The following MCOLN3 variants were observed in gnomAD, a reference collection of about 807,000 sequenced individuals.
MCOLN3 encodes the protein mucolipin-3.
MCOLN3 carries 62 observed loss-of-function variants against 69.4 expected under a neutral mutation model. The observed-to-expected ratio is 0.89, with a 90% confidence interval of 0.73 to 1.10. MCOLN3 has a LOEUF of 1.10. Among genes scored for constraint, MCOLN3 ranks in the 50% least tolerant of loss-of-function variants. The pLI, the probability that MCOLN3 is intolerant of heterozygous loss-of-function variation, is 0.00. For synonymous variants in MCOLN3, 183 were observed against 217.0 expected (o/e 0.84, Z 1.38); for missense variants, 564 against 656.4 (o/e 0.86, Z 1.54).
intron 2 of MCOLN3, among the ~76,000 whole-genome samples, chr1:85,042,084 A>G (rs1653099312): frequency 6.6e-6 from 1 of 152,122 alleles, no homozygotes; most frequent in South Asian, 2.1e-4. Context: ...AGTATATTTT[A>G]TATGGAAGGC....
At chr1:85,045,432 T>C in intron 1 of MCOLN3, 70 bp from the exon 2 acceptor site, 1 of 1,236,358 alleles carries the variant, frequency 8.1e-7, no homozygotes, top group South Asian at 1.5e-5. Context: ...AAGTCCATAT[T>C]CTTTAATATT....
chr1:85,024,113 C>T (rs1053793074), intron 9 of MCOLN3, among the ~76,000 whole-genome samples: 3 of 151,368 alleles, frequency 2.0e-5, no homozygotes, highest in African/African-American at 4.9e-5. Context: ...GAGCTATAAT[C>T]GCGCCACTGC....
At chr1:85,030,228 A>G (rs1237658086) in intron 6 of MCOLN3, among the ~76,000 whole-genome samples, 1 of 152,256 alleles carries the variant, frequency 6.6e-6, no homozygotes, top group Non-Finnish European at 1.5e-5. Context: ...CTTTTCCTAC[A>G]CAAAGGGCCT....
intron 3 of MCOLN3, among the ~76,000 whole-genome samples, chr1:85,037,588 A>G (rs1652858119): frequency 1.3e-5 from 2 of 152,248 alleles, no homozygotes; most frequent in African/African-American, 4.8e-5. Context: ...TAATATATAC[A>G]TTAACTATAT....
At chr1:85,041,209 T>G in intron 2 of MCOLN3, 32 bp from the exon 3 acceptor site, 2 of 1,579,350 alleles carry the variant, frequency 1.3e-6, no homozygotes, top group Non-Finnish European at 1.7e-6. Context: ...GGTAAGAGGG[T>G]GGAAAATGTG....
intron 2 of MCOLN3, among the ~76,000 whole-genome samples, chr1:85,043,357 C>G (rs1176895141): frequency 2.0e-5 from 3 of 152,026 alleles, no homozygotes; most frequent in African/African-American, 7.3e-5. Context: ...TGGTGAAACC[C>G]CATCTCCACT....
chr1:85,047,355 T>C (rs912860772), intron 1 of MCOLN3: 3 of 152,188 alleles, frequency 2.0e-5, no homozygotes, highest in Non-Finnish European at 4.4e-5. Context: ...CTTCCGAGGG[T>C]GCACTTTTAA....
chr1:85,028,686 T>G (rs1462954215), intron 7 of MCOLN3, among the ~76,000 whole-genome samples: 1 of 152,224 alleles, frequency 6.6e-6, no homozygotes, highest in Non-Finnish European at 1.5e-5. Context: ...ACATCCTACC[T>G]GACTTGCCCC....
chr1:85,040,854 A>AT (rs1407796854), intron 3 of MCOLN3, among the ~76,000 whole-genome samples, 156 bp downstream of exon 3: 1 of 152,202 alleles, frequency 6.6e-6, no homozygotes, highest in Non-Finnish European at 1.5e-5. Context: ...TTTGTTGACA[A>AT]TATTTTTAAA....
chr1:85,038,340 G>A (rs1424234296), intron 3 of MCOLN3, among the ~76,000 whole-genome samples: 4 of 152,118 alleles, frequency 2.6e-5, no homozygotes, highest in Admixed American at 6.5e-5. Flanking sequence ...TTAAGAGGCA[G>A]ATGAAAGAAA....
intron 4 of MCOLN3, 123 bp from the exon 5 acceptor site, chr1:85,033,079 A>T (rs546797701): frequency 1.1e-6 from 1 of 918,926 alleles, no homozygotes; most frequent in East Asian, 2.6e-5. Flanking sequence ...ATTTTTCTGA[A>T]TTAAAATTTT....
Position 85,025,970 on chromosome 1 carries a change from C to T in MCOLN3, c.1064G>A (p.Gly355Glu). 6.3e-7 allele frequency: 1 copy of T among 1,598,958 alleles called. No individual in the cohort carries two copies. The highest frequency in any genetic ancestry group is 2.2e-5 in the East Asian group (1 of 44,762). ...IIISDILTII[G>E]SILKMEIQAK... Reference sequence around the variant, plus strand: ...TTGGATTTCCATTTTTAGAATTGATCCAATGATTGTCAATATGTCACTAAT... The same window carrying T: ...TTGGATTTCCATTTTTAGAATTGATTCAATGATTGTCAATATGTCACTAAT... The change falls in exon 9 of 13, where the codon GGA becomes GAA. Residue 355 changes from glycine to glutamate, a missense_variant. Gly to Glu is a moderately conservative substitution (Grantham distance 98). Coordinates refer to ENST00000370589, the MANE Select transcript of MCOLN3 (RefSeq NM_018298.11).
Position 85,034,097 on chromosome 1 carries a change from C to A in MCOLN3, c.550+1G>T. ...GGTTCTAGGTTATAGAAGAACATCA[C>A]CAGTTTCAATTTCTGGATCGATGTC... On this transcript the variant is annotated splice_donor_variant, in intron 4 of 12. Coordinates refer to ENST00000370589, the MANE Select transcript of MCOLN3 (RefSeq NM_018298.11). LOFTEE classifies it high-confidence loss of function. The A allele has an allele frequency of 3.1e-6, 5 of 1,614,090 alleles. No homozygotes were observed. Among genetic ancestry groups the A allele is most frequent in the Non-Finnish European group, 4.2e-6 (5 of 1,179,984 alleles).
chr1:85,040,116 C>A (rs575989553), intron 3 of MCOLN3, among the ~76,000 whole-genome samples: 66 of 152,154 alleles, frequency 4.3e-4, no homozygotes, highest in Non-Finnish European at 7.8e-4. Flanking sequence ...CCTTCTTCCC[C>A]CTACAAGCTG....
chr1:85,042,804 C>T (rs954977044), intron 2 of MCOLN3, among the ~76,000 whole-genome samples: 1 of 152,142 alleles, frequency 6.6e-6, no homozygotes, highest in Non-Finnish European at 1.5e-5. Flanking sequence ...ACAGAAGGAC[C>T]ACCTCATTTT....
At chr1:85,038,732 T>C (rs1418760308) in intron 3 of MCOLN3, among the ~76,000 whole-genome samples, 1 of 152,194 alleles carries the variant, frequency 6.6e-6, no homozygotes, top group African/African-American at 2.4e-5. Context: ...GGCTCACACC[T>C]GTAATTCCAG....
At chr1:85,025,409 G>C (rs760675792) in intron 9 of MCOLN3, 1 of 151,966 alleles carries the variant, frequency 6.6e-6, no homozygotes, top group Admixed American at 6.6e-5. Flanking sequence ...TTTAGGCTAG[G>C]TTAGTCTTAA....
chr1:85,025,800 T>G (rs144819020), intron 9 of MCOLN3, 139 bp downstream of exon 9: 1 of 878,472 alleles, frequency 1.1e-6, no homozygotes, highest in East Asian at 2.7e-5. Context: ...TTAAGAAAAT[T>G]ACCATTACCA....
intron 1 of MCOLN3, chr1:85,047,716 C>G (rs1449235847): frequency 6.6e-6 from 1 of 152,404 alleles, no homozygotes; most frequent in East Asian, 1.9e-4. Flanking sequence ...CCCACTTCAC[C>G]AGACACAAAA....
Sources: gnomAD v4.1 joint callset for allele counts (sites outside exome capture counted in the v4.1 genomes callset) on GRCh38, gnomAD v4.1.1 for gene constraint, MANE v1.5 for transcripts, NCBI Gene and HGNC (gene_info 2026-07-23, HGNC 2026-07-21) for gene names.